The following TIAM2 variants were observed in gnomAD, a reference collection of about 807,000 sequenced individuals.
TIAM2 encodes TIAM Rac1 associated GEF 2.
Under a neutral mutation model 152.9 loss-of-function variants are expected in TIAM2, and 80 were observed. The ratio of observed to expected loss-of-function variants is 0.52; its 90% CI spans 0.44 to 0.63. The LOEUF (loss-of-function observed/expected upper bound fraction) is 0.63, where lower values mean the gene tolerates loss of function less well. Ranked by LOEUF, TIAM2 falls within the 30% of genes least tolerant of loss-of-function variation. The pLI is 0.00. For synonymous variants in TIAM2, 804 were observed against 838.0 expected, an observed-to-expected ratio of 0.96 and a Z score of 0.70; for missense variants, 1,965 against 2,120.1, an observed-to-expected ratio of 0.93 and a Z score of 1.44.
At chr6:155,183,524 T>C in intron 14 of TIAM2, 24 bp downstream of exon 14, 17 of 1,580,122 alleles carry the variant, frequency 1.1e-5, no homozygotes, top group Non-Finnish European at 1.5e-5. Context: ...CTGTCTTCCT[T>C]CTTAACTGCT....
At chr6:155,066,864 T>G (rs564322161) in intron 1 of TIAM2, among the ~76,000 whole-genome samples, 1 of 152,238 alleles carries the variant, frequency 6.6e-6, no homozygotes, top group African/African-American at 2.4e-5. Context: ...CAAGCGATTC[T>G]CCTGCCTCAG....
At chr6:155,106,925 A>G (rs1778705850) in intron 2 of TIAM2, among the ~76,000 whole-genome samples, 1 of 152,218 alleles carries the variant, frequency 6.6e-6, no homozygotes. Flanking sequence ...CCAATGGAAA[A>G]AATTGAACAT....
intron 15 of TIAM2, among the ~76,000 whole-genome samples, chr6:155,234,731 C>T (rs904494378): frequency 5.3e-5 from 8 of 152,140 alleles, no homozygotes; most frequent in Admixed American, 5.2e-4. Context: ...AGCAGCATTC[C>T]TGGGGTGGGG....
chr6:155,082,695 A>AATAAATAC (rs1778093090), intron 1 of TIAM2, among the ~76,000 whole-genome samples: 1 of 151,672 alleles, frequency 6.6e-6, no homozygotes, highest in Non-Finnish European at 1.5e-5. Flanking sequence ...TAAATAAATA[A>AATAAATAC]ATAAATAAAT....
At chr6:155,122,803 G>C (rs73575612) in intron 2 of TIAM2, among the ~76,000 whole-genome samples, 25,596 of 150,864 alleles carry the variant, frequency 0.17, 5,675 homozygotes, top group African/African-American at 0.52. Flanking sequence ...GTGACTGTAC[G>C]TATACATACT....
chr6:155,225,653 A>G (rs1361820162), intron 15 of TIAM2, among the ~76,000 whole-genome samples: 2 of 152,182 alleles, frequency 1.3e-5, no homozygotes, highest in Non-Finnish European at 2.9e-5. Flanking sequence ...TATTTTTAAG[A>G]AGTTTGATCA....
intron 4 of TIAM2, among the ~76,000 whole-genome samples, chr6:155,132,558 A>G (rs887781163): frequency 3.9e-5 from 6 of 152,164 alleles, no homozygotes; most frequent in African/African-American, 2.4e-5. Flanking sequence ...TTCAGACTAA[A>G]CCACAAAATA....
intron 1 of TIAM2, among the ~76,000 whole-genome samples, chr6:155,051,150 G>A (rs7766864): frequency 0.41 from 62,405 of 151,964 alleles, 13,086 homozygotes; most frequent in Middle Eastern, 0.49. Flanking sequence ...GGTTTGACAT[G>A]GCAAGTCTAA....
rs529595559 is a variant in TIAM2, at chr6:155,214,353, T to C, written c.3168+3046T>C. On this transcript the variant is annotated intron_variant, in intron 15 of 26. Transcript: ENST00000682666. The surrounding 1 kb of genome is among the most constrained non-coding windows in gnomAD (Gnocchi z 5.4). ...AACCATGTGGCATACCTTTTGGGGG[T>C]TGGTGACATCCCCTGTGTGTGAGGG... is the stretch of plus-strand genomic sequence containing the variant. Among the ~76,000 whole-genome samples, 3 of 152,236 alleles carry C rather than the reference T, an allele frequency of 2.0e-5. No individual in the cohort carries two copies. The East Asian group carries it at 5.8e-4, about 29-fold the overall frequency.
Position 155,130,334 on chromosome 6 carries a change from G to T in TIAM2, c.1111G>T (p.Ala371Ser), listed in dbSNP as rs1327453723. Reference protein sequence around the residue: ...RKPKAFVEDTAKKDSLKARMR... With the variant: ...RKPKAFVEDTSKKDSLKARMR... Reference sequence around the variant, plus strand: ...GCCCAAAGCCTTTGTTGAGGATACTGCGAAGAAGGACTCCCTCAAAGCCAG... The same window carrying T: ...GCCCAAAGCCTTTGTTGAGGATACTTCGAAGAAGGACTCCCTCAAAGCCAG... Residue 371 changes from alanine (A) to serine (S), a missense_variant, in exon 4 of 27, where the codon GCG (alanine) becomes TCG (serine). Physicochemically the swap from Ala to Ser is moderately conservative, Grantham distance 99. Coordinates refer to ENST00000682666, the MANE Select transcript of TIAM2 (RefSeq NM_012454.4). The T allele has an allele frequency of 1.2e-6, 2 of 1,614,078 alleles. No individual in the cohort carries two copies. Among genetic ancestry groups the T allele is most frequent in the East Asian group, 4.5e-5 (2 of 44,872 alleles).
At chr6:155,159,582 A>G (rs1471487537) in intron 7 of TIAM2, among the ~76,000 whole-genome samples, 2 of 152,180 alleles carry the variant, frequency 1.3e-5, no homozygotes, top group Non-Finnish European at 2.9e-5. Flanking sequence ...TTGCAATTTC[A>G]TTGTGAATGT....
chr6:155,135,423 C>T (rs1219166221), intron 4 of TIAM2, among the ~76,000 whole-genome samples: 1 of 152,094 alleles, frequency 6.6e-6, no homozygotes, highest in Non-Finnish European at 1.5e-5. Flanking sequence ...ATCAAAAGCC[C>T]ACTAGCAGCT....
chr6:155,058,999 G>A (rs986021882), intron 1 of TIAM2, among the ~76,000 whole-genome samples: 1 of 152,122 alleles, frequency 6.6e-6, no homozygotes, highest in Non-Finnish European at 1.5e-5. Flanking sequence ...AGATTATTGG[G>A]AATTAACTAT....
chr6:155,088,216 G>A (rs930107699), intron 1 of TIAM2, among the ~76,000 whole-genome samples: 20 of 151,978 alleles, frequency 1.3e-4, no homozygotes, highest in South Asian at 2.1e-4. Flanking sequence ...CACCACGCCC[G>A]GCTAATGTTT....
intron 2 of TIAM2, among the ~76,000 whole-genome samples, chr6:155,125,919 AAAAAT>A (rs1028288379): frequency 3.3e-5 from 5 of 152,212 alleles, no homozygotes; most frequent in Admixed American, 6.5e-5. Flanking sequence ...TTTATTTTCT[AAAAAT>A]AAAATAAAAA....
chr6:155,177,506 C>G lies in TIAM2; in HGVS notation c.2523+529C>G, dbSNP rs190104867. On this transcript the variant is annotated intron_variant, in intron 10 of 26. Transcript: ENST00000682666. ...TATGGTAAGTCTTAAAGAGAGCCCT[C>G]TGAGAGAGAATATATTCAGCAACAT... is the stretch of plus-strand genomic sequence containing the variant. Among the ~76,000 whole-genome samples the G allele has an allele frequency of 2.9e-3, 442 of 152,248 alleles. 1 individual carries two copies. The highest frequency in any genetic ancestry group is 5.1e-3 in the Non-Finnish European group (348 of 68,030).
chr6:155,208,446 A>C (rs947456139), intron 14 of TIAM2, among the ~76,000 whole-genome samples: 1 of 152,170 alleles, frequency 6.6e-6, no homozygotes, highest in Middle Eastern at 3.4e-3. Flanking sequence ...CTTCACTGCT[A>C]TGGAGTGATA....
In TIAM2 at chr6:154,995,935, C is replaced by T. The variant is rs1003076091; in HGVS notation, c.-209+443C>T. Among the ~76,000 whole-genome samples, 4 of 152,222 alleles carry T rather than the reference C, an allele frequency of 2.6e-5. No homozygotes were observed. Among genetic ancestry groups the T allele is most frequent in the Admixed American group, 2.6e-4 (4 of 15,292 alleles). On this transcript the variant is annotated intron_variant, in intron 1 of 26. Transcript: ENST00000682666. The surrounding 1 kb of genome is among the most constrained non-coding windows in gnomAD (Gnocchi z 5.2). ...GCTGCGCCCACGCCCGCCCGGCGAC[C>T]TCGGAGCCTCAGAAAGGCGCTGCGG...
chr6:155,177,517 T>C lies in TIAM2; in HGVS notation c.2523+540T>C, dbSNP rs181802229. 2.5e-4 allele frequency among the ~76,000 whole-genome samples: 38 copies of C among 152,304 alleles called. No homozygotes were observed. The East Asian group carries it at 7.3e-3, about 29-fold the overall frequency. On this transcript the variant is annotated intron_variant, in intron 10 of 26. Transcript: ENST00000682666. The stretch of plus-strand genomic sequence containing the variant: ...TTAAAGAGAGCCCTCTGAGAGAGAA[T>C]ATATTCAGCAACATCAGATCAGAAG...
Sources: allele counts gnomAD v4.1 joint callset (sites outside exome capture counted in the v4.1 genomes callset), GRCh38; gene constraint gnomAD v4.1.1; non-coding constraint Gnocchi (gnomAD v3.1); transcripts MANE v1.5; gene names NCBI Gene and HGNC (gene_info 2026-07-23, HGNC 2026-07-21).